MLLT1: variants seen among roughly 807,000 people sequenced by gnomAD.
The protein encoded by MLLT1 is MLLT1 super elongation complex subunit.
MLLT1 carries 11 observed loss-of-function variants against 55.1 expected under a neutral mutation model. The ratio of observed to expected loss-of-function variants is 0.20; its 90% CI spans 0.13 to 0.33. MLLT1 has a LOEUF of 0.33. Ranked by LOEUF, MLLT1 falls within the 10% of genes least tolerant of loss-of-function variation. MLLT1 has a pLI of 1.00. For synonymous variants in MLLT1, 323 were observed against 320.1 expected, an observed-to-expected ratio of 1.01 and a Z score of -0.10; for missense variants, 536 against 760.6, an observed-to-expected ratio of 0.70 and a Z score of 3.47.
At position 6,256,220 on chromosome 19, in the gene MLLT1, G is replaced by GATAAATAA. The variant is rs200816706; in HGVS notation, c.276+6000_276+6007dup. 0.21 allele frequency among the ~76,000 whole-genome samples: 30,311 copies of GATAAATAA among 141,834 alleles called. 3,536 individuals are homozygous for GATAAATAA. Among genetic ancestry groups the GATAAATAA allele is most frequent in the South Asian group, 0.27 (1,202 of 4,414 alleles). 93.0% of individuals were successfully genotyped at this position (141,834 alleles called of 152,430 possible). ...CAAGAGCGAAACTCTGTCTCAAAAA[G>GATAAATAA]ATAAATAAATAAATAAATAAATAAA... On this transcript the variant is annotated intron_variant, in intron 3 of 11. Coordinates refer to ENST00000252674, the MANE Select transcript of MLLT1 (RefSeq NM_005934.4). The surrounding 1 kb of genome is among the most constrained non-coding windows in gnomAD (Gnocchi z 4.1).
chr19:6,210,719 T>A lies in MLLT1; in HGVS notation c.*2323A>T, dbSNP rs886913709. The A allele has an allele frequency of 1.3e-5, 3 of 229,386 alleles. No homozygotes were observed. The highest frequency in any genetic ancestry group is 6.7e-5 in the African/African-American group (3 of 45,032). 14.2% of individuals were successfully genotyped at this position (229,386 alleles called of 1,614,324 possible). On this transcript the variant is annotated 3_prime_UTR_variant, in exon 12 of 12. Coordinates refer to ENST00000252674, the MANE Select transcript of MLLT1 (RefSeq NM_005934.4). This position sits in a 1 kb window ranked among gnomAD's most constrained non-coding sequence, Gnocchi z 4.6. ...CAGGAAACACGTGGCAATCACAAAGTGCCAGGCCCCTTTCCTATGGAAGTG... is the reference window on the plus strand; with the variant it reads ...CAGGAAACACGTGGCAATCACAAAGAGCCAGGCCCCTTTCCTATGGAAGTG...
At position 6,222,087 on chromosome 19, in the gene MLLT1, G is replaced by A. The variant is rs2090903865; in HGVS notation, c.1110+34C>T. 6.9e-7 allele frequency: 1 copy of A among 1,454,756 alleles called. No homozygotes were observed. Among genetic ancestry groups the A allele is most frequent in the Non-Finnish European group, 9.1e-7 (1 of 1,098,372 alleles). The allele number at this position is 1,454,756 out of a possible 1,614,324, so 90.1% of individuals were successfully genotyped here. A position where few individuals can be genotyped will look rare whatever the true frequency, so the allele number is the denominator to read the frequency against. Reference sequence around the variant, plus strand: ...GGAGGCGGGTCCCACCACACTGCCTGCACCTGGCTGCCCTGCCCCCAGCAC... The same window carrying A: ...GGAGGCGGGTCCCACCACACTGCCTACACCTGGCTGCCCTGCCCCCAGCAC... On this transcript the variant is annotated intron_variant, in intron 6 of 11. Transcript: ENST00000252674. The surrounding 1 kb of genome is among the most constrained non-coding windows in gnomAD (Gnocchi z 4.1).
intron 3 of MLLT1, among the ~76,000 whole-genome samples, chr19:6,232,271 T>C (rs1430581183): frequency 6.6e-6 from 1 of 152,020 alleles, no homozygotes; most frequent in Non-Finnish European, 1.5e-5. Context: ...CAAACAAACA[T>C]GCAGGCTCAT....
At chr19:6,274,843 CAGTT>C (rs1273649255) in intron 1 of MLLT1, among the ~76,000 whole-genome samples, 2 of 152,220 alleles carry the variant, frequency 1.3e-5, no homozygotes, top group Non-Finnish European at 1.5e-5. Flanking sequence ...CATCTGGGGA[CAGTT>C]AGGCTTGGGC....
intron 8 of MLLT1, among the ~76,000 whole-genome samples, chr19:6,214,261 GC>G (rs1816347835): frequency 6.6e-6 from 1 of 152,224 alleles, no homozygotes; most frequent in Non-Finnish European, 1.5e-5. Context: ...CCCTTTGGGG[GC>G]CGCCCGAGCA....
chr19:6,234,839 T>G (rs930033823), intron 3 of MLLT1, among the ~76,000 whole-genome samples: 1 of 151,260 alleles, frequency 6.6e-6, no homozygotes, highest in African/African-American at 2.4e-5. Flanking sequence ...GAAAGGAATT[T>G]AAGAGACAAA....
chr19:6,216,363 C>A, intron 8 of MLLT1, 42 bp downstream of exon 8: 1 of 1,458,922 alleles, frequency 6.9e-7, no homozygotes, highest in African/African-American at 1.4e-5. Context: ...GGAGTCGCCC[C>A]GGGTGGCCGC....
chr19:6,262,382 C>T lies in MLLT1; in HGVS notation c.194-72G>A, dbSNP rs1049138156. The T allele has an allele frequency of 1.5e-5, 20 of 1,347,000 alleles. No homozygotes were observed. Among genetic ancestry groups the T allele is most frequent in the Admixed American group, 3.5e-5 (2 of 56,522 alleles). The allele number at this position is 1,347,000 out of a possible 1,614,324, so 83.4% of individuals were successfully genotyped here. A position where few individuals can be genotyped will look rare whatever the true frequency, so the allele number is the denominator to read the frequency against. On this transcript the variant is annotated intron_variant, in intron 2 of 11. Transcript: ENST00000252674. This position sits in a 1 kb window ranked among gnomAD's most constrained non-coding sequence, Gnocchi z 4.4. ...CAGGCCCAGCTGCCAGCGGCAGTAC[C>T]GCACCCCTCAACCCCACCACCTCCT...
At position 6,227,171 on chromosome 19, in the gene MLLT1, AGGT is replaced by A. The variant is rs2090964075; in HGVS notation, c.421-72_421-70del. 1 of 1,506,974 alleles carries A rather than the reference AGGT, an allele frequency of 6.6e-7. No homozygotes were observed. The highest frequency in any genetic ancestry group is 1.4e-5 in the African/African-American group (1 of 69,276). 93.4% of individuals were successfully genotyped at this position (1,506,974 alleles called of 1,614,324 possible). A position where few individuals can be genotyped will look rare whatever the true frequency, so the allele number is the denominator to read the frequency against. ...AGGGGGCCCACACGGGCCGGGCTGA[AGGT>A]GGTGGGGCTTCCCTCTGCAGGAGGG... is the stretch of plus-strand genomic sequence containing the variant. On this transcript the variant is annotated intron_variant, in intron 4 of 11. Transcript: ENST00000252674. This position sits in a 1 kb window ranked among gnomAD's most constrained non-coding sequence, Gnocchi z 5.1.
At chr19:6,252,210 G>A (rs1273015270) in intron 3 of MLLT1, among the ~76,000 whole-genome samples, 2 of 152,182 alleles carry the variant, frequency 1.3e-5, no homozygotes, top group African/African-American at 4.8e-5. Flanking sequence ...TGTGGCCTTA[G>A]GACTCTGGCC....
chr19:6,272,141 G>A (rs902104771), intron 1 of MLLT1, among the ~76,000 whole-genome samples: 4 of 132,592 alleles, frequency 3.0e-5, no homozygotes, highest in Admixed American at 8.6e-5. Context: ...AAGGAAGCCC[G>A]AGCCCCGCGC....
chr19:6,222,323 C>A lies in MLLT1; in HGVS notation c.908G>T (p.Ser303Ile). Residue 303 changes from serine to isoleucine, a missense_variant, in exon 6 of 12, where the codon AGC becomes ATC. This residue lies in a region of MLLT1 where 449 missense variants were observed against 489.0 expected (regional missense o/e 0.92). Coordinates refer to ENST00000252674, the MANE Select transcript of MLLT1 (RefSeq NM_005934.4). The surrounding 1 kb of genome is among the most constrained non-coding windows in gnomAD (Gnocchi z 4.1). ...PKPSAKKQKK[S>I]SSKGSRSAPG... ...AGCACTCCGGGACCCCTTCGAGCTG[C>A]TCTTCTTCTGCTTCTTGGCGCTGGG... 1 of 1,571,868 alleles carries A rather than the reference C, an allele frequency of 6.4e-7. No individual in the cohort carries two copies. Among genetic ancestry groups the A allele is most frequent in the Non-Finnish European group, 8.6e-7 (1 of 1,159,434 alleles).
intron 3 of MLLT1, among the ~76,000 whole-genome samples, chr19:6,238,225 G>A (rs530076614): frequency 6.6e-6 from 1 of 152,384 alleles, no homozygotes; most frequent in East Asian, 1.9e-4. Context: ...ACTAGCTGCA[G>A]GCTCTAGAGA....
chr19:6,228,213 TCACGGAGGAGC>T (rs1163001019), intron 4 of MLLT1, among the ~76,000 whole-genome samples: 1 of 152,096 alleles, frequency 6.6e-6, no homozygotes, highest in Non-Finnish European at 1.5e-5. Flanking sequence ...TCACGCAAGC[TCACGGAGGAGC>T]CACAGAAGGC....
chr19:6,264,449 C>T (rs937353814), intron 2 of MLLT1, among the ~76,000 whole-genome samples: 3 of 151,968 alleles, frequency 2.0e-5, no homozygotes, highest in Non-Finnish European at 4.4e-5. Flanking sequence ...CATCACATAA[C>T]GCTCAGGAGC....
rs1249486164 is a variant in MLLT1 at position 6,262,815 on chromosome 19, G to A, written c.194-505C>T. Among the ~76,000 whole-genome samples the A allele has an allele frequency of 6.6e-6, 1 of 151,902 alleles. No homozygotes were observed. The highest frequency in any genetic ancestry group is 1.9e-4 in the East Asian group (1 of 5,176). On this transcript the variant is annotated intron_variant, in intron 2 of 11. Transcript: ENST00000252674. The surrounding 1 kb of genome is among the most constrained non-coding windows in gnomAD (Gnocchi z 4.4). Reference sequence around the variant, plus strand: ...CCAGGTGGCTGGGACCCTCCTCCTGGGTTCTAGTTTAGCACCTAATAAGAG... The same window carrying A: ...CCAGGTGGCTGGGACCCTCCTCCTGAGTTCTAGTTTAGCACCTAATAAGAG...
chr19:6,236,938 G>A (rs1305949748), intron 3 of MLLT1, among the ~76,000 whole-genome samples: 3 of 152,212 alleles, frequency 2.0e-5, no homozygotes, highest in African/African-American at 7.2e-5. Flanking sequence ...TCTTGGGCCG[G>A]GCCAGGTCGC....
chr19:6,274,265 C>T (rs8106182), intron 1 of MLLT1, among the ~76,000 whole-genome samples: 37,019 of 152,208 alleles, frequency 0.24, 5,066 homozygotes, highest in African/African-American at 0.35. Context: ...GTAAGACGCT[C>T]AAGCCACGTC....
In MLLT1 at chr19:6,213,710, G is replaced by C. The variant is rs757568741; in HGVS notation, c.1479+16C>G. 9.6e-6 allele frequency: 15 copies of C among 1,567,076 alleles called. 1 individual carries two copies. In the South Asian group the frequency reaches 1.7e-4, roughly 18 times the overall value. On this transcript the variant is annotated intron_variant, in intron 10 of 11. Coordinates refer to ENST00000252674, the MANE Select transcript of MLLT1 (RefSeq NM_005934.4). ...CCCTCCGTAGCCTCCCCGCCTTGTC[G>C]TAGGTGCCCCCCCACCTTGTCGTAG...
Sources: gnomAD v4.1 joint callset for allele counts (sites outside exome capture counted in the v4.1 genomes callset) on GRCh38, gnomAD v4.1.1 for gene constraint, gnomAD v4.1.1 regional missense constraint, Gnocchi (gnomAD v3.1) non-coding constraint, MANE v1.5 for transcripts, NCBI Gene and HGNC (gene_info 2026-07-23, HGNC 2026-07-21) for gene names.